The following RASAL2 variants were observed in gnomAD, a reference collection of about 807,000 sequenced individuals.
RASAL2 encodes the protein ras GTPase-activating protein nGAP.
In RASAL2, 58 loss-of-function variants were observed where a neutral mutation model predicts 128.9. The ratio of observed to expected loss-of-function variants is 0.45; its 90% CI spans 0.36 to 0.56. RASAL2 has a LOEUF of 0.56. Ranked by LOEUF, RASAL2 falls within the 20% of genes least tolerant of loss-of-function variation. RASAL2 has a pLI of 0.00. For missense variants in RASAL2, 1,360 were observed against 1,601.6 expected, an observed-to-expected ratio of 0.85 and a Z score of 2.57; for synonymous variants, 561 against 580.8, an observed-to-expected ratio of 0.97 and a Z score of 0.49.
At chr1:178,241,446 G>A (rs1664495150) in intron 1 of RASAL2, among the ~76,000 whole-genome samples, 1 of 152,046 alleles carries the variant, frequency 6.6e-6, no homozygotes, top group Non-Finnish European at 1.5e-5. Context: ...ATACTTTAGG[G>A]GTACATATTA....
intron 3 of RASAL2, among the ~76,000 whole-genome samples, chr1:178,331,067 A>C (rs902970586): frequency 1.3e-5 from 2 of 152,232 alleles, no homozygotes; most frequent in Admixed American, 6.5e-5. Flanking sequence ...TAAGTAGTAA[A>C]TGGCATAGCT....
intron 5 of RASAL2, among the ~76,000 whole-genome samples, chr1:178,436,530 T>C (rs1208575604): frequency 1.3e-5 from 2 of 152,038 alleles, no homozygotes; most frequent in African/African-American, 4.8e-5. Flanking sequence ...AGAAAATATA[T>C]GTAAGCCAGG....
chr1:178,187,328 AG>A lies in RASAL2; in HGVS notation c.202+92635del, dbSNP rs1354281200. On this transcript the variant is annotated intron_variant, in intron 1 of 17. Coordinates refer to ENST00000367649, the MANE Select transcript of RASAL2 (RefSeq NM_170692.4). ...ATTTAATCTACTGTTCTATTCATCAAGTAAATTTTTCATGTTAGATACTGTA... is the reference window on the plus strand; with the variant it reads ...ATTTAATCTACTGTTCTATTCATCAATAAATTTTTCATGTTAGATACTGTA... Among the ~76,000 whole-genome samples the A allele has an allele frequency of 2.0e-5, 3 of 152,266 alleles. No homozygotes were observed. The East Asian group carries it at 5.8e-4, about 29-fold the overall frequency.
chr1:178,352,239 A>C (rs953725400), intron 3 of RASAL2, among the ~76,000 whole-genome samples: 6 of 152,224 alleles, frequency 3.9e-5, no homozygotes, highest in African/African-American at 1.4e-4. Flanking sequence ...TTTTGTTTTC[A>C]AAGTTGATAT....
Position 178,454,455 on chromosome 1 carries a change from A to G in RASAL2, c.2018A>G (p.Asn673Ser). 6.2e-7 allele frequency: 1 copy of G among 1,609,904 alleles called. No individual in the cohort carries two copies. The highest frequency in any genetic ancestry group is 8.5e-7 in the Non-Finnish European group (1 of 1,176,412). The change falls in exon 12 of 18, where the codon AAC (asparagine) becomes AGC (serine). Residue 673 changes from asparagine to serine, a missense_variant. Physicochemically the swap from Asn to Ser is conservative, Grantham distance 46. Coordinates refer to ENST00000367649, the MANE Select transcript of RASAL2 (RefSeq NM_170692.4). ...CTCATCCTCTACTTCAGGTTTGGTA[A>G]CAAAGAGGAATACATGGCATTCATG... Reference protein sequence around the residue: ...QNLANFAKFGNKEEYMAFMND... With the variant: ...QNLANFAKFGSKEEYMAFMND...
intron 3 of RASAL2, among the ~76,000 whole-genome samples, chr1:178,363,834 C>T (rs972755971): frequency 4.3e-4 from 65 of 152,230 alleles, no homozygotes; most frequent in African/African-American, 1.4e-3. Flanking sequence ...CGGTGGCTCA[C>T]GCCTGTAATC....
At chr1:178,216,467 T>C (rs537665124) in intron 1 of RASAL2, among the ~76,000 whole-genome samples, 24 of 152,348 alleles carry the variant, frequency 1.6e-4, no homozygotes, top group African/African-American at 5.5e-4. Context: ...GAGAATGCAA[T>C]TATTTGGATT....
chr1:178,166,135 T>G (rs1222120087), intron 1 of RASAL2, among the ~76,000 whole-genome samples: 1 of 152,190 alleles, frequency 6.6e-6, no homozygotes, highest in Non-Finnish European at 1.5e-5. Flanking sequence ...CTGTCCCTTG[T>G]GCTATAAATA....
chr1:178,467,292 T>C (rs1647819416), intron 16 of RASAL2, 42 bp from the exon 17 acceptor site: 2 of 1,534,848 alleles, frequency 1.3e-6, no homozygotes, highest in Non-Finnish European at 1.8e-6. Flanking sequence ...TAGCTAGCCC[T>C]TTCTTTGAAG....
chr1:178,288,612 A>G (rs1571786336), intron 2 of RASAL2, among the ~76,000 whole-genome samples: 1 of 132,666 alleles, frequency 7.5e-6, no homozygotes, highest in Non-Finnish European at 1.6e-5. Context: ...CTATCAGATC[A>G]TTCCCATCAG....
At chr1:178,332,071 CAT>C (rs1213181970) in intron 3 of RASAL2, among the ~76,000 whole-genome samples, 3 of 152,042 alleles carry the variant, frequency 2.0e-5, no homozygotes, top group African/African-American at 7.3e-5. Context: ...TAAAACGTGT[CAT>C]AAAAATTTTA....
chr1:178,396,480 A>T (rs1223818564), intron 4 of RASAL2, among the ~76,000 whole-genome samples: 1 of 152,170 alleles, frequency 6.6e-6, no homozygotes, highest in Admixed American at 6.5e-5. Context: ...CTTTTACAGA[A>T]GTTCTGAAGC....
chr1:178,326,927 AG>A (rs1571864214), intron 3 of RASAL2, among the ~76,000 whole-genome samples: 1 of 152,176 alleles, frequency 6.6e-6, no homozygotes, highest in Non-Finnish European at 1.5e-5. Context: ...TCACGTTTTA[AG>A]TGATGATTCG....
chr1:178,138,598 A>G (rs1660414721), intron 1 of RASAL2, among the ~76,000 whole-genome samples: 1 of 152,128 alleles, frequency 6.6e-6, no homozygotes, highest in Non-Finnish European at 1.5e-5. Context: ...AAAATGCCCT[A>G]TTTAATTTGA....
At chr1:178,467,571 G>T in intron 17 of RASAL2, 150 bp downstream of exon 17, 1 of 650,498 alleles carries the variant, frequency 1.5e-6, no homozygotes. Context: ...ATGAGTGTCT[G>T]TGTGACCTCC....
chr1:178,155,731 A>G (rs144400238), intron 1 of RASAL2, among the ~76,000 whole-genome samples: 3 of 151,300 alleles, frequency 2.0e-5, no homozygotes, highest in African/African-American at 7.3e-5. Context: ...CCCATGAATG[A>G]CTTTACCACA....
At chr1:178,421,988 C>T (rs925182948) in intron 5 of RASAL2, among the ~76,000 whole-genome samples, 1 of 151,824 alleles carries the variant, frequency 6.6e-6, no homozygotes, top group Admixed American at 6.6e-5. Context: ...ATTAATGTCT[C>T]AAAAAATAGA....
intron 1 of RASAL2, 71 bp downstream of exon 1, chr1:178,094,765 TC>T: frequency 6.4e-7 from 1 of 1,561,206 alleles, no homozygotes. Flanking sequence ...ATTCCCTAAG[TC>T]ACAGGCTCAT....
In RASAL2 at chr1:178,443,222, G is replaced by A. The variant is rs1230360554; in HGVS notation, c.1475G>A (p.Arg492Lys). 5.6e-6 allele frequency: 9 copies of A among 1,602,146 alleles called. No homozygotes were observed. The highest frequency in any genetic ancestry group is 1.7e-6 in the Non-Finnish European group (2 of 1,170,592). Residue 492 changes from arginine to lysine, a missense_variant, in exon 8 of 18, where the codon AGA becomes AAA. By Grantham distance (26) the Arg-to-Lys change is conservative. Coordinates refer to ENST00000367649, the MANE Select transcript of RASAL2 (RefSeq NM_170692.4). ...ALVHILQSTG[R>K]AKDFLTDLVM... ...GTGCACATTCTTCAAAGTACTGGCA[G>A]AGCCAAGGTAAGTGGAAAAGGGGGA...
Sources: allele counts gnomAD v4.1 joint callset (sites outside exome capture counted in the v4.1 genomes callset), GRCh38; gene constraint gnomAD v4.1.1; transcripts MANE v1.5; gene names NCBI Gene and HGNC (gene_info 2026-07-23, HGNC 2026-07-21).